Variants in SPAG16 observed in about 807,000 individuals in gnomAD.
The protein encoded by SPAG16 is sperm associated antigen 16, also known as sperm-associated antigen 16 protein.
SPAG16 carries 86 observed loss-of-function variants against 80.4 expected under a neutral mutation model. That is an observed-to-expected ratio of 1.07 (90% CI 0.90 to 1.28). SPAG16 has a LOEUF of 1.28. SPAG16 is among the 50% of genes most tolerant of loss of function. The probability of loss-of-function intolerance (pLI) is 0.00; values close to 1 mark genes in which losing one functional copy is unlikely to be tolerated. For synonymous variants in SPAG16, 294 were observed against 265.9 expected (o/e 1.11, Z -1.03); for missense variants, 870 against 765.3 (o/e 1.14, Z -1.61).
intron 1 of SPAG16, chr2:213,285,957 A>G (rs1459595021): frequency 3.3e-5 from 42 of 1,260,130 alleles, no homozygotes; most frequent in Non-Finnish European, 4.3e-5. Flanking sequence ...CATTAAAATT[A>G]TTTCCGTGAA....
intron 8 of SPAG16, among the ~76,000 whole-genome samples, chr2:213,372,238 C>G (rs1271686322): frequency 6.6e-6 from 1 of 151,760 alleles, no homozygotes; most frequent in African/African-American, 2.4e-5. Flanking sequence ...GCAGTAATGC[C>G]TATTTTTAAA....
chr2:214,235,531 A>G (rs1689015804), intron 15 of SPAG16, among the ~76,000 whole-genome samples: 1 of 152,100 alleles, frequency 6.6e-6, no homozygotes, highest in South Asian at 2.1e-4. Context: ...TACAGCTTTA[A>G]ACACACCTCC....
chr2:214,291,887 T>C (rs1413295532), intron 15 of SPAG16, among the ~76,000 whole-genome samples: 1 of 152,200 alleles, frequency 6.6e-6, no homozygotes, highest in East Asian at 1.9e-4. Flanking sequence ...TGATAGTAAA[T>C]GTTGTCTTTT....
At chr2:213,558,305 T>C (rs957344204) in intron 10 of SPAG16, among the ~76,000 whole-genome samples, 3 of 152,094 alleles carry the variant, frequency 2.0e-5, no homozygotes, top group Non-Finnish European at 4.4e-5. Context: ...TTAAGATGTC[T>C]TTTGAAAATC....
intron 10 of SPAG16, among the ~76,000 whole-genome samples, chr2:213,494,791 G>A (rs73988518): frequency 0.071 from 10,874 of 152,162 alleles, 1,290 homozygotes; most frequent in African/African-American, 0.24. Flanking sequence ...CTCCTTGGCT[G>A]CATGCTCTCC....
chr2:214,386,849 G>A (rs762300312), intron 15 of SPAG16, among the ~76,000 whole-genome samples: 23 of 143,500 alleles, frequency 1.6e-4, no homozygotes, highest in Non-Finnish European at 3.0e-4. Context: ...TGGCAACAGA[G>A]TGAGACCCTT....
chr2:214,077,765 C>T (rs375066730), intron 13 of SPAG16, among the ~76,000 whole-genome samples: 1 of 152,208 alleles, frequency 6.6e-6, no homozygotes, highest in Non-Finnish European at 1.5e-5. Context: ...AAGAAGCAAA[C>T]TTGAACTGAA....
chr2:213,991,359 T>A (rs907093271), intron 12 of SPAG16, among the ~76,000 whole-genome samples: 1 of 152,180 alleles, frequency 6.6e-6, no homozygotes, highest in African/African-American at 2.4e-5. Flanking sequence ...TGCATAGTAC[T>A]CCATGGTGTA....
intron 10 of SPAG16, among the ~76,000 whole-genome samples, chr2:213,849,048 A>G (rs2074772798): frequency 6.6e-6 from 1 of 152,116 alleles, no homozygotes; most frequent in Non-Finnish European, 1.5e-5. Context: ...ATTTATGAAG[A>G]AAAAAAGATG....
At chr2:213,946,326 G>GAGTGC (rs2079465036) in intron 12 of SPAG16, among the ~76,000 whole-genome samples, 50 of 151,346 alleles carry the variant, frequency 3.3e-4, no homozygotes, top group African/African-American at 9.3e-4. Context: ...TATTGGCCAG[G>GAGTGC]CTGGTCTTGA....
At position 213,331,808 on chromosome 2, in the gene SPAG16, A is replaced by G. The variant is rs188006066; in HGVS notation, c.537-8355A>G. Among the ~76,000 whole-genome samples the G allele has an allele frequency of 1.8e-4, 27 of 152,326 alleles. No individual in the cohort carries two copies. The East Asian group carries it at 3.7e-3, about 21-fold the overall frequency. On this transcript the variant is annotated intron_variant, in intron 5 of 15. Transcript: ENST00000331683. The stretch of plus-strand genomic sequence containing the variant: ...GTGGATCAGTGAAGGAATTAAGAAG[A>G]AAACTGAAAAATTTCTTGGAACAAA...
chr2:214,092,736 A>G (rs71428319), intron 13 of SPAG16, among the ~76,000 whole-genome samples: 13,445 of 151,992 alleles, frequency 0.088, 771 homozygotes, highest in East Asian at 0.29. Flanking sequence ...GTGATCCTGG[A>G]GCTGAAATTG....
Position 213,541,390 on chromosome 2 carries a change from A to G in SPAG16, c.1070+51300A>G, listed in dbSNP as rs549666593. Among the ~76,000 whole-genome samples the G allele has an allele frequency of 7.0e-4, 107 of 152,228 alleles. 1 individual carries two copies. The highest frequency in any genetic ancestry group is 1.8e-3 in the African/African-American group (73 of 41,552). On this transcript the variant is annotated intron_variant, in intron 10 of 15. Transcript: ENST00000331683. Reference sequence around the variant, plus strand: ...TCCTAGCACTTTGGGAGGCTGAGGCAAGTGGATCACCTGAGGTCAGGAGTT... The same window carrying G: ...TCCTAGCACTTTGGGAGGCTGAGGCGAGTGGATCACCTGAGGTCAGGAGTT...
chr2:214,322,271 G>T (rs1011444192), intron 15 of SPAG16, among the ~76,000 whole-genome samples: 6 of 152,036 alleles, frequency 3.9e-5, no homozygotes, highest in Non-Finnish European at 8.8e-5. Flanking sequence ...GATTTCAATG[G>T]TCTGAATGAG....
chr2:214,181,696 A>G (rs1200406092), intron 15 of SPAG16, among the ~76,000 whole-genome samples: 2 of 151,866 alleles, frequency 1.3e-5, no homozygotes, highest in Non-Finnish European at 2.9e-5. Flanking sequence ...AGAGTCTTGC[A>G]ATTCTCTGCC....
At chr2:214,299,146 G>C (rs1476324896) in intron 15 of SPAG16, among the ~76,000 whole-genome samples, 1 of 151,478 alleles carries the variant, frequency 6.6e-6, no homozygotes, top group Non-Finnish European at 1.5e-5. Context: ...GTTATAGTCA[G>C]GAATGAATGT....
chr2:213,540,564 GT>G (rs2076411259), intron 10 of SPAG16, among the ~76,000 whole-genome samples: 1 of 151,714 alleles, frequency 6.6e-6, no homozygotes, highest in Non-Finnish European at 1.5e-5. Context: ...ATTAACAAAA[GT>G]TTCTCAGCCT....
intron 10 of SPAG16, among the ~76,000 whole-genome samples, chr2:213,528,188 G>A (rs536439339): frequency 6.6e-6 from 1 of 152,188 alleles, no homozygotes; most frequent in South Asian, 2.1e-4. Flanking sequence ...ACTAAATAGA[G>A]TCAGTGGGTA....
At chr2:214,053,758 A>T (rs1033468711) in intron 13 of SPAG16, among the ~76,000 whole-genome samples, 3 of 152,192 alleles carry the variant, frequency 2.0e-5, no homozygotes, top group Non-Finnish European at 4.4e-5. Flanking sequence ...GACCAGACTC[A>T]CACAGCCAGT....
Sources: gnomAD v4.1 joint callset for allele counts (sites outside exome capture counted in the v4.1 genomes callset) on GRCh38, gnomAD v4.1.1 for gene constraint, MANE v1.5 for transcripts, NCBI Gene and HGNC (gene_info 2026-07-23, HGNC 2026-07-21) for gene names.